The following NGEF variants were observed in gnomAD, a reference collection of about 807,000 sequenced individuals.
NGEF encodes neuronal guanine nucleotide exchange factor.
A neutral mutation model predicts 80.9 loss-of-function variants in NGEF; 31 were observed. The ratio of observed to expected loss-of-function variants is 0.38; its 90% CI spans 0.29 to 0.52. NGEF has a LOEUF of 0.52. Ranked by LOEUF, NGEF falls within the 20% of genes least tolerant of loss-of-function variation. The probability of loss-of-function intolerance (pLI) is 0.84; values close to 1 mark genes in which losing one functional copy is unlikely to be tolerated. For synonymous variants in NGEF, 371 were observed against 370.2 expected, an observed-to-expected ratio of 1.00 and a Z score of -0.03; for missense variants, 709 against 926.2, an observed-to-expected ratio of 0.77 and a Z score of 3.04.
intron 8 of NGEF, among the ~76,000 whole-genome samples, chr2:232,888,808 G>C (rs141405897): frequency 2.4e-4 from 36 of 152,342 alleles, no homozygotes; most frequent in Middle Eastern, 3.4e-3. Context: ...GTGTAAGAAA[G>C]AGTCTCTTCT....
At chr2:232,969,472 T>TCCTTCCTTTCCTTCCTTC in intron 3 of NGEF, among the ~76,000 whole-genome samples, 1 of 92,724 alleles carries the variant, frequency 1.1e-5, no homozygotes, top group Non-Finnish European at 1.9e-5. Flanking sequence ...CTTCCTTCCT[T>TCCTTCCTTTCCTTCCTTC]CTTCCTTCCT....
chr2:232,897,373 A>G (rs1430275697), intron 5 of NGEF, among the ~76,000 whole-genome samples: 1 of 152,100 alleles, frequency 6.6e-6, no homozygotes, highest in Non-Finnish European at 1.5e-5. Context: ...AAGGACAGAC[A>G]GAAGCTCCCA....
intron 5 of NGEF, among the ~76,000 whole-genome samples, chr2:232,905,093 T>TCAC (rs2106256713): frequency 6.6e-6 from 1 of 150,794 alleles, no homozygotes; most frequent in East Asian, 1.9e-4. Context: ...CTCTCCCCTC[T>TCAC]CTCTCCTCTC....
At chr2:232,933,918 C>T (rs556614492) in intron 3 of NGEF, among the ~76,000 whole-genome samples, 1 of 152,278 alleles carries the variant, frequency 6.6e-6, no homozygotes, top group South Asian at 2.1e-4. Flanking sequence ...CACCCTGCTG[C>T]CTCACTCATC....
chr2:232,960,053 T>C (rs1354524445), intron 3 of NGEF, among the ~76,000 whole-genome samples: 1 of 152,230 alleles, frequency 6.6e-6, no homozygotes. Flanking sequence ...CTGAGCATTC[T>C]TGGAGCGATG....
chr2:232,900,782 GCACA>G (rs1043827690), intron 5 of NGEF, among the ~76,000 whole-genome samples: 1 of 131,724 alleles, frequency 7.6e-6, no homozygotes, highest in Non-Finnish European at 1.6e-5. Context: ...TCACACTCAT[GCACA>G]CATTCACTCA....
At chr2:232,976,489 G>T (rs1694297556) in intron 1 of NGEF, among the ~76,000 whole-genome samples, 1 of 152,130 alleles carries the variant, frequency 6.6e-6, no homozygotes, top group Non-Finnish European at 1.5e-5. Context: ...CCTACCCCAG[G>T]CCGAGAATGC....
intron 11 of NGEF, 41 bp from the exon 12 acceptor site, chr2:232,883,507 A>C (rs1691582197): frequency 6.6e-7 from 1 of 1,509,970 alleles, no homozygotes; most frequent in Admixed American, 2.1e-5. Context: ...AGCCCCGAGG[A>C]GGCCTGTGGG....
chr2:232,892,933 A>G lies in NGEF; in HGVS notation c.1107T>C (p.Asn369=). ...HFSVYITYVS[N]QTYQERTYKQ... is the part of the protein sequence containing the mutation. ...TATAGGTCCGCTCCTGGTAGGTCTG[A>G]TTGCTGACGTAGGTGATGTAGACAG... The change falls in exon 7 of 15, where the codon AAT becomes AAC. Residue 369 remains asparagine (N), a synonymous_variant. Coordinates refer to ENST00000264051, the MANE Select transcript of NGEF (RefSeq NM_019850.3). The surrounding 1 kb of genome is among the most constrained non-coding windows in gnomAD (Gnocchi z 4.0). The G allele has an allele frequency of 2.5e-6, 4 of 1,613,586 alleles. No homozygotes were observed. Among genetic ancestry groups the G allele is most frequent in the Non-Finnish European group, 3.4e-6 (4 of 1,179,954 alleles).
chr2:232,969,417 A>G (rs929213435), intron 3 of NGEF, among the ~76,000 whole-genome samples: 69 of 148,778 alleles, frequency 4.6e-4, no homozygotes, highest in Admixed American at 1.5e-3. Flanking sequence ...GCCAAGATAC[A>G]GTGAACTATC....
chr2:232,953,508 T>A (rs1409219722), intron 3 of NGEF, among the ~76,000 whole-genome samples: 3 of 142,662 alleles, frequency 2.1e-5, no homozygotes, highest in Admixed American at 6.9e-5. Context: ...CTTTTTTTTT[T>A]TAAAAAAAAA....
intron 5 of NGEF, among the ~76,000 whole-genome samples, chr2:232,907,001 A>G (rs1322051468): frequency 6.6e-6 from 1 of 151,228 alleles, no homozygotes; most frequent in Non-Finnish European, 1.5e-5. Context: ...GTTAAGAGTC[A>G]TCACCACTCC....
At chr2:232,946,675 A>G (rs752728161) in intron 3 of NGEF, among the ~76,000 whole-genome samples, 4 of 152,202 alleles carry the variant, frequency 2.6e-5, no homozygotes, top group Admixed American at 6.5e-5. Context: ...GGCTCCTTGG[A>G]AAAATGGCTG....
chr2:232,971,269 C>T (rs1402824305), intron 2 of NGEF, among the ~76,000 whole-genome samples: 1 of 152,184 alleles, frequency 6.6e-6, no homozygotes, highest in South Asian at 2.1e-4. Context: ...GCCCCCACCC[C>T]GTGCTCTTTC....
chr2:232,977,453 G>T (rs1248620772), intron 1 of NGEF, among the ~76,000 whole-genome samples: 2 of 152,214 alleles, frequency 1.3e-5, no homozygotes, highest in African/African-American at 4.8e-5. Context: ...CTGTCCAGAT[G>T]GAGGCTGGAG....
chr2:232,967,338 T>A (rs1449120531), intron 3 of NGEF, among the ~76,000 whole-genome samples: 1 of 152,034 alleles, frequency 6.6e-6, no homozygotes, highest in Non-Finnish European at 1.5e-5. Flanking sequence ...TTCTTCATTA[T>A]TATTATTATT....
intron 5 of NGEF, among the ~76,000 whole-genome samples, chr2:232,906,782 GGT>G (rs1692567149): frequency 6.7e-6 from 1 of 148,576 alleles, no homozygotes; most frequent in African/African-American, 2.5e-5. Flanking sequence ...GGATGGTTGC[GGT>G]GTCTGTGTAG....
intron 1 of NGEF, among the ~76,000 whole-genome samples, chr2:232,993,020 C>CAT (rs1491215330): frequency 5.6e-5 from 8 of 142,240 alleles, no homozygotes; most frequent in Non-Finnish European, 9.0e-5. Context: ...CACACACACA[C>CAT]GCACATAAAT....
chr2:232,926,160 T>A (rs1693061155), intron 4 of NGEF, among the ~76,000 whole-genome samples: 1 of 152,122 alleles, frequency 6.6e-6, no homozygotes, highest in South Asian at 2.1e-4. Flanking sequence ...TAATTATATA[T>A]CTAGGGAAGA....
Sources: gnomAD v4.1 joint callset for allele counts (sites outside exome capture counted in the v4.1 genomes callset) on GRCh38, gnomAD v4.1.1 for gene constraint, Gnocchi (gnomAD v3.1) non-coding constraint, MANE v1.5 for transcripts, NCBI Gene and HGNC (gene_info 2026-07-23, HGNC 2026-07-21) for gene names.